The following CSRNP3 variants were observed in gnomAD, a reference collection of about 807,000 sequenced individuals.
The protein encoded by CSRNP3 is cysteine and serine rich nuclear protein 3.
Under a neutral mutation model 48.0 loss-of-function variants are expected in CSRNP3, and 12 were observed. The ratio of observed to expected loss-of-function variants is 0.25; its 90% CI spans 0.16 to 0.41. CSRNP3 has a LOEUF of 0.41. Ranked by LOEUF, CSRNP3 falls within the 10% of genes least tolerant of loss-of-function variation. The pLI, the probability that CSRNP3 is intolerant of heterozygous loss-of-function variation, is 1.00. For synonymous variants in CSRNP3, 263 were observed against 269.7 expected (o/e 0.98, Z 0.24); for missense variants, 580 against 724.4 (o/e 0.80, Z 2.29).
At chr2:165,620,847 A>G (rs978281926) in intron 4 of CSRNP3, among the ~76,000 whole-genome samples, 4 of 152,086 alleles carry the variant, frequency 2.6e-5, no homozygotes, top group African/African-American at 9.7e-5. Flanking sequence ...CAAAATGTCA[A>G]TGTTGCCCAT....
chr2:165,594,140 TTCTTA>T (rs747242137), intron 3 of CSRNP3, among the ~76,000 whole-genome samples: 2 of 152,214 alleles, frequency 1.3e-5, no homozygotes, highest in Admixed American at 1.3e-4. Context: ...TTCAGAGCAC[TTCTTA>T]TCTTAACCAT....
At chr2:165,504,550 TG>T (rs1684399223) in intron 2 of CSRNP3, among the ~76,000 whole-genome samples, 1 of 152,100 alleles carries the variant, frequency 6.6e-6, no homozygotes, top group African/African-American at 2.4e-5. Context: ...TTCCATGCCA[TG>T]TAACAAAACT....
chr2:165,651,935 C>T (rs1686918303), intron 4 of CSRNP3, among the ~76,000 whole-genome samples: 2 of 152,076 alleles, frequency 1.3e-5, no homozygotes, highest in African/African-American at 2.4e-5. Context: ...GGATTACAGG[C>T]GTGAGCCACT....
intron 1 of CSRNP3, among the ~76,000 whole-genome samples, chr2:165,490,570 A>C (rs1169352637): frequency 2.7e-5 from 4 of 146,584 alleles, no homozygotes; most frequent in Non-Finnish European, 6.0e-5. Context: ...TACAGTAACC[A>C]AAACAGCATG....
intron 4 of CSRNP3, among the ~76,000 whole-genome samples, chr2:165,608,006 A>G (rs970679536): frequency 2.0e-5 from 3 of 151,092 alleles, no homozygotes; most frequent in African/African-American, 7.3e-5. Flanking sequence ...AGTTATTTAT[A>G]GTGTTATATT....
Position 165,683,124 on chromosome 2 carries a change from C to T in CSRNP3, c.*3371C>T, listed in dbSNP as rs1338810177. 1 of 152,076 alleles carries T rather than the reference C, an allele frequency of 6.6e-6. No homozygotes were observed. Among genetic ancestry groups the T allele is most frequent in the East Asian group, 1.9e-4 (1 of 5,204 alleles). 9.4% of individuals were successfully genotyped at this position (152,076 alleles called of 1,614,324 possible). Reference sequence around the variant, plus strand: ...GGGAGAAGTCAATGAAAGAGATTTACTTAAGTTTTTCCTCCTTATCTCTTG... The same window carrying T: ...GGGAGAAGTCAATGAAAGAGATTTATTTAAGTTTTTCCTCCTTATCTCTTG... On this transcript the variant is annotated 3_prime_UTR_variant, in exon 7 of 7. Coordinates refer to ENST00000651982, the MANE Select transcript of CSRNP3 (RefSeq NM_001172173.2).
chr2:165,574,556 T>C (rs1685419401), intron 3 of CSRNP3: 2 of 541,650 alleles, frequency 3.7e-6, no homozygotes, highest in Non-Finnish European at 3.2e-6. Context: ...CCTTAACTAG[T>C]TTATTTTTTT....
Position 165,684,577 on chromosome 2 carries a change from G to C in CSRNP3, c.*4824G>C, listed in dbSNP as rs889672548. On this transcript the variant is annotated 3_prime_UTR_variant, in exon 7 of 7. Coordinates refer to ENST00000651982, the MANE Select transcript of CSRNP3 (RefSeq NM_001172173.2). ...TAAAGGCTTGATTACTCTATATTAGGTCTAATATGAATTTTCACCTTCTGA... is the reference window on the plus strand; with the variant it reads ...TAAAGGCTTGATTACTCTATATTAGCTCTAATATGAATTTTCACCTTCTGA... 2.1e-4 allele frequency: 32 copies of C among 151,686 alleles called. No homozygotes were observed. The highest frequency in any genetic ancestry group is 7.5e-4 in the African/African-American group (31 of 41,456). 9.4% of individuals were successfully genotyped at this position (151,686 alleles called of 1,614,324 possible). A position where few individuals can be genotyped will look rare whatever the true frequency, so the allele number is the denominator to read the frequency against.
chr2:165,552,321 C>G (rs1558932379), intron 3 of CSRNP3, among the ~76,000 whole-genome samples: 2 of 152,342 alleles, frequency 1.3e-5, no homozygotes, highest in African/African-American at 2.4e-5. Context: ...AAGCCACCCA[C>G]TTGAGACCCT....
chr2:165,555,008 G>A (rs1169506066), intron 3 of CSRNP3, among the ~76,000 whole-genome samples: 1 of 152,040 alleles, frequency 6.6e-6, no homozygotes, highest in Non-Finnish European at 1.5e-5. Context: ...CAGATCCTTT[G>A]CATTTGCTAT....
At chr2:165,612,844 T>G (rs1686162161) in intron 4 of CSRNP3, among the ~76,000 whole-genome samples, 1 of 152,098 alleles carries the variant, frequency 6.6e-6, no homozygotes, top group Non-Finnish European at 1.5e-5. Context: ...ACAATTAGGT[T>G]GATTCTGTAT....
intron 4 of CSRNP3, among the ~76,000 whole-genome samples, chr2:165,606,675 G>C (rs1056222050): frequency 3.3e-5 from 5 of 152,054 alleles, no homozygotes; most frequent in African/African-American, 7.2e-5. Context: ...CATTTGAATA[G>C]GATTGCATAA....
chr2:165,644,603 G>A (rs189375256), intron 4 of CSRNP3, among the ~76,000 whole-genome samples: 97 of 152,146 alleles, frequency 6.4e-4, no homozygotes, highest in African/African-American at 2.0e-3. Flanking sequence ...ACACACACAC[G>A]CTCACATTTT....
At chr2:165,628,617 C>T (rs55726139) in intron 4 of CSRNP3, among the ~76,000 whole-genome samples, 4 of 151,790 alleles carry the variant, frequency 2.6e-5, no homozygotes, top group Non-Finnish European at 4.4e-5. Context: ...CCAGCTACTC[C>T]GGAGGCTGAG....
intron 3 of CSRNP3, among the ~76,000 whole-genome samples, chr2:165,554,939 C>T (rs1685142867): frequency 6.6e-6 from 1 of 152,184 alleles, no homozygotes; most frequent in Non-Finnish European, 1.5e-5. Context: ...CATCTCCTCA[C>T]TCCCTCACTT....
intron 4 of CSRNP3, among the ~76,000 whole-genome samples, chr2:165,596,117 GC>G (rs1390201188): frequency 6.7e-6 from 1 of 148,872 alleles, no homozygotes; most frequent in Non-Finnish European, 1.5e-5. Flanking sequence ...ACTGCATCCA[GC>G]CTATGTTTTC....
intron 3 of CSRNP3, among the ~76,000 whole-genome samples, chr2:165,579,551 T>C (rs968406426): frequency 3.3e-5 from 5 of 152,206 alleles, no homozygotes; most frequent in Admixed American, 1.3e-4. Flanking sequence ...CTATAGACTA[T>C]AAGTTCTTCA....
intron 3 of CSRNP3, among the ~76,000 whole-genome samples, chr2:165,532,478 A>T (rs1488761661): frequency 6.6e-6 from 1 of 152,306 alleles, no homozygotes; most frequent in Non-Finnish European, 1.5e-5. Context: ...ATCTCAATAG[A>T]TGCAGAAAAG....
At chr2:165,540,611 C>T (rs1035297262) in intron 3 of CSRNP3, among the ~76,000 whole-genome samples, 2 of 152,056 alleles carry the variant, frequency 1.3e-5, no homozygotes, top group African/African-American at 4.8e-5. Flanking sequence ...GCAGACATTC[C>T]TTGTGTTCCA....
Sources: allele counts gnomAD v4.1 joint callset (sites outside exome capture counted in the v4.1 genomes callset), GRCh38; gene constraint gnomAD v4.1.1; transcripts MANE v1.5; gene names NCBI Gene and HGNC (gene_info 2026-07-23, HGNC 2026-07-21).